Variants in ZEB2 observed in about 807,000 individuals in gnomAD.
ZEB2 encodes zinc finger E-box-binding homeobox 2.
In ZEB2, 6 loss-of-function variants were observed where a neutral mutation model predicts 99.9. The ratio of observed to expected loss-of-function variants is 0.06; its 90% CI spans 0.03 to 0.12. The LOEUF (loss-of-function observed/expected upper bound fraction) is 0.12. ZEB2 is among the 10% of genes least tolerant of loss of function. The pLI, the probability that ZEB2 is intolerant of heterozygous loss-of-function variation, is 1.00. For missense variants in ZEB2, 969 were observed against 1,502.8 expected (o/e 0.64, Z 5.87); for synonymous variants, 517 against 542.5 (o/e 0.95, Z 0.65).
chr2:144,443,560 C>A (rs1226853120), intron 2 of ZEB2, among the ~76,000 whole-genome samples: 5 of 152,034 alleles, frequency 3.3e-5, no homozygotes, highest in South Asian at 2.1e-4. Flanking sequence ...TTAAGCGTAA[C>A]CTGAGTTGTA....
chr2:144,480,718 C>A (rs1282285645), intron 2 of ZEB2, among the ~76,000 whole-genome samples: 2 of 91,028 alleles, frequency 2.2e-5, no homozygotes, highest in Non-Finnish European at 4.7e-5. Context: ...TCTCTCTATA[C>A]TAAAAGTTAA....
intron 2 of ZEB2, among the ~76,000 whole-genome samples, chr2:144,479,177 A>G (rs1329482681): frequency 2.0e-5 from 3 of 152,234 alleles, no homozygotes; most frequent in Non-Finnish European, 4.4e-5. Context: ...ATGATCTATT[A>G]CCACTTGGGC....
At chr2:144,494,007 C>T (rs930461687) in intron 2 of ZEB2, among the ~76,000 whole-genome samples, 1 of 151,910 alleles carries the variant, frequency 6.6e-6, no homozygotes, top group South Asian at 2.1e-4. Flanking sequence ...AAAAAATTAG[C>T]CGGGCGTGGT....
At chr2:144,488,236 A>G (rs1480111329) in intron 2 of ZEB2, among the ~76,000 whole-genome samples, 1 of 152,234 alleles carries the variant, frequency 6.6e-6, no homozygotes, top group African/African-American at 2.4e-5. Flanking sequence ...TATTGATCAA[A>G]CTGAACACTC....
intron 4 of ZEB2, among the ~76,000 whole-genome samples, chr2:144,421,491 T>C (rs1023219298): frequency 2.6e-5 from 4 of 152,132 alleles, no homozygotes; most frequent in African/African-American, 9.7e-5. Flanking sequence ...AAGGGCAGAG[T>C]TGTAAGCTGA....
rs1703112584 is a variant in ZEB2 at position 144,388,528 on chromosome 2, T to C, written c.*923A>G. On this transcript the variant is annotated 3_prime_UTR_variant, in exon 10 of 10. Coordinates refer to ENST00000627532, the MANE Select transcript of ZEB2 (RefSeq NM_014795.4). This position sits in a 1 kb window ranked among gnomAD's most constrained non-coding sequence, Gnocchi z 5.4. ...ATGAATGCAAAAAAAATTTTTTTGTTGCAAAAACAGTTTGGTGTAATACTG... is the reference window on the plus strand; with the variant it reads ...ATGAATGCAAAAAAAATTTTTTTGTCGCAAAAACAGTTTGGTGTAATACTG... The C allele has an allele frequency of 6.5e-6, 1 of 154,252 alleles. No homozygotes were observed. Among genetic ancestry groups the C allele is most frequent in the East Asian group, 1.9e-4 (1 of 5,216 alleles). The allele number at this position is 154,252 out of a possible 1,614,324, so 9.6% of individuals were successfully genotyped here.
intron 2 of ZEB2, 130 bp from the exon 3 acceptor site, chr2:144,430,156 ATAAT>A (rs1703750800): frequency 7.6e-7 from 1 of 1,310,226 alleles, no homozygotes; most frequent in African/African-American, 1.5e-5. Flanking sequence ...TCAGGAAAAT[ATAAT>A]TAATATCCTT....
chr2:144,433,025 C>G (rs1269487043), intron 2 of ZEB2, among the ~76,000 whole-genome samples: 3 of 152,142 alleles, frequency 2.0e-5, no homozygotes, highest in Admixed American at 6.6e-5. Context: ...AATAAGCCAC[C>G]CTTTGCATGA....
chr2:144,433,604 T>C (rs1468467179), intron 2 of ZEB2, among the ~76,000 whole-genome samples: 1 of 152,170 alleles, frequency 6.6e-6, no homozygotes, highest in Non-Finnish European at 1.5e-5. Context: ...AAGATATATC[T>C]GCATATGCAT....
At chr2:144,483,588 TG>T (rs1704550103) in intron 2 of ZEB2, among the ~76,000 whole-genome samples, 1 of 152,232 alleles carries the variant, frequency 6.6e-6, no homozygotes, top group African/African-American at 2.4e-5. Context: ...AAAAAGTTCA[TG>T]ATCTCAATAT....
chr2:144,429,282 G>A (rs887925554), intron 3 of ZEB2: 1 of 173,062 alleles, frequency 5.8e-6, no homozygotes, highest in Admixed American at 5.8e-5. Flanking sequence ...TAACAAAAGG[G>A]AATCATTAAA....
intron 1 of ZEB2, chr2:144,519,446 T>TTAAAAAATAA: frequency 2.0e-5 from 3 of 153,816 alleles, no homozygotes; most frequent in South Asian, 2.0e-4. Context: ...CTGCCATGTC[T>TTAAAAAATAA]AAGAGAAAGA....
chr2:144,486,383 TTA>T (rs1704597860), intron 2 of ZEB2, among the ~76,000 whole-genome samples: 1 of 151,828 alleles, frequency 6.6e-6, no homozygotes. Context: ...TTTTTTTTTT[TTA>T]AAGAAAGAAT....
intron 2 of ZEB2, among the ~76,000 whole-genome samples, chr2:144,502,559 A>G (rs965527821): frequency 2.4e-4 from 36 of 152,148 alleles, no homozygotes; most frequent in Non-Finnish European, 2.6e-4. Flanking sequence ...GCTGCCTCCC[A>G]TGGCTACCTC....
At chr2:144,401,107 A>G in intron 7 of ZEB2, 92 bp downstream of exon 7, 1 of 1,188,406 alleles carries the variant, frequency 8.4e-7, no homozygotes, top group Non-Finnish European at 1.3e-6. Flanking sequence ...CCAAAAAGCT[A>G]CAAATAGGAC....
chr2:144,406,327 C>T (rs781777413), intron 4 of ZEB2, among the ~76,000 whole-genome samples: 7 of 152,058 alleles, frequency 4.6e-5, no homozygotes, highest in South Asian at 2.1e-4. Flanking sequence ...GCTCATCCTT[C>T]GGGAAGCCAT....
At chr2:144,463,673 A>T (rs568096702) in intron 2 of ZEB2, 5 of 147,452 alleles carry the variant, frequency 3.4e-5, no homozygotes, top group East Asian at 2.0e-4. Context: ...TACAAAAAAT[A>T]AAAAAAAAAA....
chr2:144,464,549 G>C (rs182101041), intron 2 of ZEB2, among the ~76,000 whole-genome samples: 5 of 152,054 alleles, frequency 3.3e-5, no homozygotes, highest in Admixed American at 3.3e-4. Context: ...GCTATAAAAG[G>C]GTTTAAATAC....
chr2:144,429,758 T>C lies in ZEB2; in HGVS notation c.331+11A>G, dbSNP rs1038719488. 1.2e-6 allele frequency: 2 copies of C among 1,613,684 alleles called. No individual in the cohort carries two copies. Among genetic ancestry groups the C allele is most frequent in the Non-Finnish European group, 1.7e-6 (2 of 1,179,770 alleles). ...GGTACAGGAAGAGGCCAAGTGATTTTAGACACTTACCTGGACCATCTACAG... is the reference window on the plus strand; with the variant it reads ...GGTACAGGAAGAGGCCAAGTGATTTCAGACACTTACCTGGACCATCTACAG... On this transcript the variant is annotated intron_variant, in intron 3 of 9. Coordinates refer to ENST00000627532, the MANE Select transcript of ZEB2 (RefSeq NM_014795.4).
Sources: allele counts gnomAD v4.1 joint callset (sites outside exome capture counted in the v4.1 genomes callset), GRCh38; gene constraint gnomAD v4.1.1; non-coding constraint Gnocchi (gnomAD v3.1); transcripts MANE v1.5; gene names NCBI Gene and HGNC (gene_info 2026-07-23, HGNC 2026-07-21).